The following LDLRAD4 variants were observed in gnomAD, a reference collection of about 807,000 sequenced individuals.
LDLRAD4 encodes the protein low-density lipoprotein receptor class A domain-containing protein 4.
In LDLRAD4, 5 loss-of-function variants were observed where a neutral mutation model predicts 17.0. The ratio of observed to expected loss-of-function variants is 0.29; its 90% confidence interval spans 0.15 to 0.62. The LOEUF is 0.62. Among genes scored for constraint, LDLRAD4 ranks in the 20% least tolerant of loss-of-function variants. The pLI is 0.84. For missense variants in LDLRAD4, 340 were observed against 424.7 expected, an observed-to-expected ratio of 0.80 and a Z score of 1.75; for synonymous variants, 168 against 171.8, an observed-to-expected ratio of 0.98 and a Z score of 0.17.
chr18:13,301,447 G>T (rs1364422955), intron 1 of LDLRAD4, among the ~76,000 whole-genome samples: 2 of 150,970 alleles, frequency 1.3e-5, no homozygotes, highest in African/African-American at 4.9e-5. Context: ...GGGGGGTGGG[G>T]AAGATTCTCT....
chr18:13,386,945 T>TA, intron 1 of LDLRAD4, among the ~76,000 whole-genome samples: 1 of 114,218 alleles, frequency 8.8e-6, no homozygotes, highest in East Asian at 2.8e-4. Context: ...GATAGATAGA[T>TA]AGATGGATGG....
intron 2 of LDLRAD4, among the ~76,000 whole-genome samples, chr18:13,405,418 AT>A (rs1245287602): frequency 6.6e-6 from 1 of 151,820 alleles, no homozygotes; most frequent in Non-Finnish European, 1.5e-5. Flanking sequence ...CGTTGCCACC[AT>A]TTTTTTATTT....
intron 1 of LDLRAD4, among the ~76,000 whole-genome samples, chr18:13,268,257 C>T (rs2044331312): frequency 6.6e-6 from 1 of 152,198 alleles, no homozygotes; most frequent in African/African-American, 2.4e-5. Context: ...TCAGTTCCTC[C>T]TTTACCCTCC....
chr18:13,378,689 T>C (rs2085114309), intron 1 of LDLRAD4, among the ~76,000 whole-genome samples: 1 of 152,232 alleles, frequency 6.6e-6, no homozygotes, highest in South Asian at 2.1e-4. Context: ...ATTTTTTTCC[T>C]CTTCTACTAT....
At chr18:13,612,567 C>A in intron 3 of LDLRAD4, 1 of 1,459,652 alleles carries the variant, frequency 6.9e-7, no homozygotes, top group South Asian at 1.4e-5. Flanking sequence ...TCCACGCTCA[C>A]ACACTCTCCC....
chr18:13,316,038 C>T (rs141979229), intron 1 of LDLRAD4, among the ~76,000 whole-genome samples: 101 of 152,036 alleles, frequency 6.6e-4, no homozygotes, highest in Middle Eastern at 3.4e-3. Flanking sequence ...AGGTGAGGGA[C>T]GGTGAGAGGA....
intron 2 of LDLRAD4, chr18:13,420,634 C>A (rs959048853): frequency 6.6e-6 from 1 of 152,230 alleles, no homozygotes; most frequent in Admixed American, 6.5e-5. Context: ...TGGAGACCCT[C>A]AGTACTGAAC....
chr18:13,640,185 C>A (rs953967201), intron 4 of LDLRAD4, among the ~76,000 whole-genome samples: 1 of 147,980 alleles, frequency 6.8e-6, no homozygotes, highest in South Asian at 2.2e-4. Context: ...CCCATCTACT[C>A]GGTAGGCTGA....
chr18:13,388,361 T>C (rs2085987761), intron 2 of LDLRAD4, among the ~76,000 whole-genome samples: 1 of 152,154 alleles, frequency 6.6e-6, no homozygotes, highest in Non-Finnish European at 1.5e-5. Flanking sequence ...ATTTGGATCC[T>C]GGCTCTTTTG....
At chr18:13,242,466 TG>T (rs1177674835) in intron 1 of LDLRAD4, among the ~76,000 whole-genome samples, 5 of 152,196 alleles carry the variant, frequency 3.3e-5, no homozygotes, top group African/African-American at 1.2e-4. Flanking sequence ...CACTTTGATA[TG>T]GAAAAACCAC....
At chr18:13,565,173 T>G (rs8097832) in intron 3 of LDLRAD4, 41,870 of 152,198 alleles carry the variant, frequency 0.28, 6,467 homozygotes, top group East Asian at 0.49. Flanking sequence ...AAACATCAAG[T>G]ATCCTCAGAG....
chr18:13,640,540 C>T (rs1307439970), intron 4 of LDLRAD4, among the ~76,000 whole-genome samples: 4 of 152,150 alleles, frequency 2.6e-5, no homozygotes, highest in Non-Finnish European at 5.9e-5. Context: ...TTGAGAACCT[C>T]AGGGCAGAAC....
intron 1 of LDLRAD4, among the ~76,000 whole-genome samples, chr18:13,354,288 G>A (rs1302593835): frequency 2.0e-5 from 3 of 152,012 alleles, no homozygotes; most frequent in Admixed American, 6.5e-5. Flanking sequence ...AATAAGAATT[G>A]TCAATTTTAT....
intron 2 of LDLRAD4, among the ~76,000 whole-genome samples, chr18:13,431,225 C>T (rs1165637147): frequency 1.3e-5 from 2 of 152,186 alleles, no homozygotes; most frequent in African/African-American, 2.4e-5. Flanking sequence ...TGGGTGACGT[C>T]GTTTCAAACT....
chr18:13,453,113 CAG>C (rs1480179565), intron 3 of LDLRAD4, among the ~76,000 whole-genome samples: 5 of 152,188 alleles, frequency 3.3e-5, no homozygotes, highest in Admixed American at 3.3e-4. Context: ...GCAGGAATCA[CAG>C]GGACAGTCAT....
At chr18:13,643,386 G>C in exon 5 of LDLRAD4, 2 of 1,262,252 alleles carry the variant, frequency 1.6e-6, no homozygotes, top group Non-Finnish European at 2.0e-6. Flanking sequence ...TTCAGACAGC[G>C]CCGCACCGCG....
chr18:13,545,804 G>A (rs2094353796), intron 3 of LDLRAD4, among the ~76,000 whole-genome samples: 1 of 152,172 alleles, frequency 6.6e-6, no homozygotes, highest in African/African-American at 2.4e-5. Context: ...TTCCAGGGGT[G>A]GAACATGTAA....
intron 3 of LDLRAD4, among the ~76,000 whole-genome samples, chr18:13,557,435 C>T (rs1314469448): frequency 6.6e-6 from 1 of 152,084 alleles, no homozygotes; most frequent in Non-Finnish European, 1.5e-5. Context: ...GAGTCTCGCT[C>T]TTTCGCCCAA....
chr18:13,305,516 T>G (rs953647994), intron 1 of LDLRAD4, among the ~76,000 whole-genome samples: 1 of 152,204 alleles, frequency 6.6e-6, no homozygotes, highest in East Asian at 1.9e-4. Context: ...TCTTGCATAT[T>G]TTCACTGTAT....
Sources: gnomAD v4.1 joint callset for allele counts (sites outside exome capture counted in the v4.1 genomes callset) on GRCh38, gnomAD v4.1.1 for gene constraint, MANE v1.5 for transcripts, NCBI Gene and HGNC (gene_info 2026-07-23, HGNC 2026-07-21) for gene names.